OPCML: variants seen among roughly 807,000 people sequenced by gnomAD.
OPCML encodes opioid-binding protein/cell adhesion molecule.
Under a neutral mutation model 37.8 loss-of-function variants are expected in OPCML, and 13 were observed. The ratio of observed to expected loss-of-function variants is 0.34; its 90% CI spans 0.22 to 0.55. The LOEUF (loss-of-function observed/expected upper bound fraction) is 0.55. OPCML is among the 20% of genes least tolerant of loss of function. The pLI, the probability that OPCML is intolerant of heterozygous loss-of-function variation, is 0.91. For synonymous variants in OPCML, 176 were observed against 168.8 expected, an observed-to-expected ratio of 1.04 and a Z score of -0.33; for missense variants, 341 against 435.6, an observed-to-expected ratio of 0.78 and a Z score of 1.93.
chr11:132,957,203 AATGC>A (rs1945992420), intron 1 of OPCML, among the ~76,000 whole-genome samples: 1 of 152,202 alleles, frequency 6.6e-6, no homozygotes, highest in South Asian at 2.1e-4. Flanking sequence ...GATGGCAGGA[AATGC>A]AGTTCAGAAG....
intron 1 of OPCML, among the ~76,000 whole-genome samples, chr11:133,200,675 A>T (rs951593418): frequency 1.3e-5 from 2 of 152,248 alleles, no homozygotes; most frequent in Non-Finnish European, 2.9e-5. Context: ...GCCAAATTAC[A>T]ACTTATTTTT....
At chr11:133,199,801 AATTAT>A (rs1251875352) in intron 1 of OPCML, among the ~76,000 whole-genome samples, 4 of 152,218 alleles carry the variant, frequency 2.6e-5, no homozygotes, top group African/African-American at 9.7e-5. Context: ...AAGAAAGGAA[AATTAT>A]CCAAGTCTAC....
At chr11:133,050,656 C>T (rs1314539229) in intron 1 of OPCML, among the ~76,000 whole-genome samples, 2 of 151,886 alleles carry the variant, frequency 1.3e-5, no homozygotes, top group Non-Finnish European at 2.9e-5. Context: ...GGCCTCCCTT[C>T]TTAGGATTTA....
intron 1 of OPCML, among the ~76,000 whole-genome samples, chr11:133,118,958 A>G (rs1949379930): frequency 6.6e-6 from 1 of 152,238 alleles, no homozygotes; most frequent in African/African-American, 2.4e-5. Context: ...CTGATTAGCA[A>G]TGTTAGTCCC....
intron 1 of OPCML, chr11:133,419,343 T>C: frequency 1.0e-6 from 1 of 985,424 alleles, no homozygotes; most frequent in Non-Finnish European, 1.2e-6. Context: ...GTTAAGTCAC[T>C]GATAGTGATG....
chr11:133,336,507 C>T (rs916941475), intron 1 of OPCML, among the ~76,000 whole-genome samples: 7 of 152,102 alleles, frequency 4.6e-5, no homozygotes, highest in African/African-American at 9.7e-5. Flanking sequence ...AGTAGCATTG[C>T]TTTTAAGATG....
chr11:133,208,708 T>G lies in OPCML; in HGVS notation c.62-265698A>C, dbSNP rs1939223589. Among the ~76,000 whole-genome samples the G allele has an allele frequency of 6.6e-6, 1 of 152,184 alleles. No individual in the cohort carries two copies. Among genetic ancestry groups the G allele is most frequent in the Non-Finnish European group, 1.5e-5 (1 of 68,050 alleles). On this transcript the variant is annotated intron_variant, in intron 1 of 7. Transcript: ENST00000524381. This position sits in a 1 kb window ranked among gnomAD's most constrained non-coding sequence, Gnocchi z 8.9. Reference sequence around the variant, plus strand: ...TGAAGGAATTTCTAAGCACTAGCCATCCAAGTGAATAAAGGCTGCTGTAAG... The same window carrying G: ...TGAAGGAATTTCTAAGCACTAGCCAGCCAAGTGAATAAAGGCTGCTGTAAG...
chr11:133,212,152 C>A lies in OPCML; in HGVS notation c.62-269142G>T, dbSNP rs1473528284. Reference sequence around the variant, plus strand: ...GAACCTGAGCATGAAAGTACCCACACCACCACCAATCACAACATCATAATG... The same window carrying A: ...GAACCTGAGCATGAAAGTACCCACAACACCACCAATCACAACATCATAATG... On this transcript the variant is annotated intron_variant, in intron 1 of 7. Transcript: ENST00000524381. This position sits in a 1 kb window ranked among gnomAD's most constrained non-coding sequence, Gnocchi z 4.9. Among the ~76,000 whole-genome samples the A allele has an allele frequency of 2.0e-5, 3 of 152,146 alleles. No individual in the cohort carries two copies. The highest frequency in any genetic ancestry group is 2.0e-4 in the Admixed American group (3 of 15,296).
intron 1 of OPCML, among the ~76,000 whole-genome samples, chr11:133,037,773 C>A (rs1947808436): frequency 6.6e-6 from 1 of 152,212 alleles, no homozygotes; most frequent in African/African-American, 2.4e-5. Flanking sequence ...AGCTCATCAT[C>A]TGTGCCATGC....
At position 133,340,556 on chromosome 11, in the gene OPCML, A is replaced by G. The variant is rs147484036; in HGVS notation, c.61+191708T>C. Among the ~76,000 whole-genome samples, 68 of 152,020 alleles carry G rather than the reference A, an allele frequency of 4.5e-4. No homozygotes were observed. The East Asian group carries it at 6.4e-3, about 14-fold the overall frequency. ...ATATTTCCCTCTACCTGTTCTTTAT[A>G]TTAATAGCTGATCTCTATATAACTA... On this transcript the variant is annotated intron_variant, in intron 1 of 7. Transcript: ENST00000524381.
At chr11:132,919,173 G>A (rs7112089) in intron 2 of OPCML, among the ~76,000 whole-genome samples, 33,862 of 152,066 alleles carry the variant, frequency 0.22, 6,408 homozygotes, top group African/African-American at 0.51. Context: ...AAAGAGACTA[G>A]CAAGAGAAAG....
At chr11:133,352,733 G>A (rs1006576696) in intron 1 of OPCML, among the ~76,000 whole-genome samples, 2 of 152,136 alleles carry the variant, frequency 1.3e-5, no homozygotes, top group African/African-American at 4.8e-5. Context: ...TTGAACACAA[G>A]GGGAATGAGA....
At chr11:133,329,696 A>C (rs1943571298) in intron 1 of OPCML, among the ~76,000 whole-genome samples, 1 of 152,228 alleles carries the variant, frequency 6.6e-6, no homozygotes, top group Non-Finnish European at 1.5e-5. Flanking sequence ...TTCAAGATGG[A>C]TTAAAGACTT....
chr11:133,384,886 G>A (rs1312195294), intron 1 of OPCML, among the ~76,000 whole-genome samples: 1 of 152,252 alleles, frequency 6.6e-6, no homozygotes, highest in African/African-American at 2.4e-5. Context: ...AGGAAGGCCA[G>A]AGGTTCAGGC....
intron 4 of OPCML, among the ~76,000 whole-genome samples, chr11:132,521,783 A>T (rs184077952): frequency 3.4e-4 from 52 of 152,328 alleles, no homozygotes; most frequent in Non-Finnish European, 6.6e-4. Flanking sequence ...AATTAAAATT[A>T]AAAATTAAAA....
At chr11:133,162,678 G>T (rs1391658660) in intron 1 of OPCML, among the ~76,000 whole-genome samples, 1 of 152,168 alleles carries the variant, frequency 6.6e-6, no homozygotes, top group Non-Finnish European at 1.5e-5. Flanking sequence ...TTACAGCCAC[G>T]AGGGAAGAAA....
chr11:133,483,096 TTGAA>T (rs1947413720), intron 1 of OPCML, among the ~76,000 whole-genome samples: 1 of 152,026 alleles, frequency 6.6e-6, no homozygotes, highest in South Asian at 2.1e-4. Context: ...GGCAAAATAT[TTGAA>T]TGAGAAATTT....
chr11:132,722,235 G>A (rs1222494944), intron 2 of OPCML, among the ~76,000 whole-genome samples: 2 of 149,436 alleles, frequency 1.3e-5, no homozygotes, highest in Non-Finnish European at 3.0e-5. Flanking sequence ...GATTACAGGC[G>A]TGAACCACCA....
intron 1 of OPCML, among the ~76,000 whole-genome samples, chr11:133,233,185 G>A (rs191375236): frequency 5.3e-5 from 8 of 152,286 alleles, no homozygotes; most frequent in African/African-American, 1.2e-4. Flanking sequence ...AAGAGGGGCC[G>A]AGTTTCCAGA....
Sources: gnomAD v4.1 joint callset for allele counts (sites outside exome capture counted in the v4.1 genomes callset) on GRCh38, gnomAD v4.1.1 for gene constraint, Gnocchi (gnomAD v3.1) non-coding constraint, MANE v1.5 for transcripts, NCBI Gene and HGNC (gene_info 2026-07-23, HGNC 2026-07-21) for gene names.